ARHGAP39: variants seen among roughly 807,000 people sequenced by gnomAD.
The protein encoded by ARHGAP39 is rho GTPase-activating protein 39.
In ARHGAP39, 44 loss-of-function variants were observed where a neutral mutation model predicts 106.9. The observed-to-expected ratio is 0.41, with a 90% confidence interval of 0.32 to 0.53. ARHGAP39 has a LOEUF of 0.53. Among genes scored for constraint, ARHGAP39 ranks in the 20% least tolerant of loss-of-function variants. ARHGAP39 has a pLI of 0.21. For missense variants in ARHGAP39, 1,496 were observed against 1,577.3 expected, an observed-to-expected ratio of 0.95 and a Z score of 0.87; for synonymous variants, 768 against 693.2, an observed-to-expected ratio of 1.11 and a Z score of -1.69.
chr8:144,545,099 C>T, intron 6 of ARHGAP39, 150 bp downstream of exon 6: 1 of 685,926 alleles, frequency 1.5e-6, no homozygotes, highest in Non-Finnish European at 2.1e-6. Context: ...CAGCAGAGGC[C>T]CAGAGTGTGG....
chr8:144,555,242 C>G (rs1228643109), intron 4 of ARHGAP39, among the ~76,000 whole-genome samples: 1 of 152,268 alleles, frequency 6.6e-6, no homozygotes, highest in African/African-American at 2.4e-5. Flanking sequence ...CACGTGTGGC[C>G]TGAGATGCCA....
intron 1 of ARHGAP39, among the ~76,000 whole-genome samples, chr8:144,656,516 T>G (rs940981593): frequency 2.0e-5 from 3 of 151,908 alleles, no homozygotes; most frequent in Non-Finnish European, 4.4e-5. Flanking sequence ...AAAGTTAGTC[T>G]AAGGGGCCAG....
chr8:144,689,128 T>G (rs1469580595), upstream of ARHGAP39, among the ~76,000 whole-genome samples: 1 of 152,178 alleles, frequency 6.6e-6, no homozygotes, highest in Admixed American at 6.5e-5. Flanking sequence ...AAAAACAAAG[T>G]TGGATCCCTG....
At chr8:144,662,816 C>T (rs1310749219) in intron 1 of ARHGAP39, among the ~76,000 whole-genome samples, 1 of 149,386 alleles carries the variant, frequency 6.7e-6, no homozygotes, top group East Asian at 2.0e-4. Flanking sequence ...GCCACTCCCC[C>T]CATCCCCATT....
At chr8:144,627,878 G>C (rs1398354494) in intron 1 of ARHGAP39, among the ~76,000 whole-genome samples, 1 of 152,200 alleles carries the variant, frequency 6.6e-6, no homozygotes, top group Non-Finnish European at 1.5e-5. Context: ...GCAGTGCTCT[G>C]CCAGGCACTC....
chr8:144,537,540 C>A (rs565523499), intron 7 of ARHGAP39, among the ~76,000 whole-genome samples, 181 bp downstream of exon 7: 2 of 152,172 alleles, frequency 1.3e-5, no homozygotes, highest in African/African-American at 4.8e-5. Context: ...CAGGCTTGAC[C>A]GCTCCAGGGG....
chr8:144,666,769 C>T lies in ARHGAP39; in HGVS notation c.-82+18917G>A, dbSNP rs141626190. Among the ~76,000 whole-genome samples the T allele has an allele frequency of 4.2e-3, 634 of 152,278 alleles. 5 individuals are homozygous for T. The highest frequency in any genetic ancestry group is 0.014 in the African/African-American group (590 of 41,548). Reference sequence around the variant, plus strand: ...TCTTTATCAGCAGCTTGAAAATGGACTAATACACATGGCTAAAGGCGATCA... The same window carrying T: ...TCTTTATCAGCAGCTTGAAAATGGATTAATACACATGGCTAAAGGCGATCA... On this transcript the variant is annotated intron_variant, in intron 1 of 11. Transcript: ENST00000377307.
Position 144,529,938 on chromosome 8 carries a change from G to A in ARHGAP39, c.*484C>T. ...AGCAGTCACCAGCTGGGGACCACGG[G>A]CCGAGGGAGGGAGAGGAGGCGGGGA... On this transcript the variant is annotated 3_prime_UTR_variant, in exon 12 of 12. Transcript: ENST00000377307. The A allele has an allele frequency of 6.2e-6, 1 of 160,252 alleles. No individual in the cohort carries two copies. 9.9% of individuals were successfully genotyped at this position (160,252 alleles called of 1,614,324 possible).
rs1821413076 is a variant in ARHGAP39, at chr8:144,645,276, G to A, written c.-81-39581C>T. 6.6e-6 allele frequency among the ~76,000 whole-genome samples: 1 copy of A among 152,224 alleles called. No homozygotes were observed. The highest frequency in any genetic ancestry group is 1.5e-5 in the Non-Finnish European group (1 of 68,038). The stretch of plus-strand genomic sequence containing the variant: ...GCTCTGGGACACTACATGAACTGAA[G>A]GCACGAGAAGTCCAGGTGTCAAGGA... On this transcript the variant is annotated intron_variant, in intron 1 of 11. Transcript: ENST00000377307. The surrounding 1 kb of genome is among the most constrained non-coding windows in gnomAD (Gnocchi z 4.4).
intron 1 of ARHGAP39, among the ~76,000 whole-genome samples, chr8:144,616,140 G>T (rs1820629715): frequency 6.6e-6 from 1 of 152,254 alleles, no homozygotes; most frequent in Non-Finnish European, 1.5e-5. Context: ...GCTGCTGCTT[G>T]GCCCTGGGGC....
the ARHGAP39 span, among the ~76,000 whole-genome samples, chr8:144,694,538 C>T: frequency 1.6e-4 from 25 of 152,202 alleles, no homozygotes; most frequent in African/African-American, 4.6e-4. Context: ...TGTGTGTTAA[C>T]GCCGTTCCCC....
intron 6 of ARHGAP39, among the ~76,000 whole-genome samples, chr8:144,543,498 T>C (rs1351526255): frequency 6.6e-6 from 1 of 152,204 alleles, no homozygotes; most frequent in Non-Finnish European, 1.5e-5. Context: ...GTGGCCACAG[T>C]ACCACAGCCA....
intron 1 of ARHGAP39, among the ~76,000 whole-genome samples, chr8:144,623,010 G>C (rs552467344): frequency 1.3e-5 from 2 of 152,348 alleles, no homozygotes; most frequent in South Asian, 2.1e-4. Context: ...GGCCCCACTC[G>C]GTCAGGACCC....
chr8:144,538,067 C>A (rs140015533), intron 6 of ARHGAP39, among the ~76,000 whole-genome samples: 1 of 152,266 alleles, frequency 6.6e-6, no homozygotes, highest in East Asian at 1.9e-4. Flanking sequence ...AGGGAAGGCG[C>A]CAGGGGAGCA....
At chr8:144,638,639 T>C (rs1821235883) in intron 1 of ARHGAP39, among the ~76,000 whole-genome samples, 1 of 152,258 alleles carries the variant, frequency 6.6e-6, no homozygotes, top group South Asian at 2.1e-4. Flanking sequence ...ACCTATTGAT[T>C]GGTCTCTTTC....
At chr8:144,637,679 C>T (rs1055296701) in intron 1 of ARHGAP39, among the ~76,000 whole-genome samples, 6 of 151,960 alleles carry the variant, frequency 3.9e-5, no homozygotes, top group Non-Finnish European at 7.4e-5. Flanking sequence ...TTACGTTTTG[C>T]TAACCATTTC....
intron 1 of ARHGAP39, among the ~76,000 whole-genome samples, chr8:144,627,009 C>T (rs1330597597): frequency 6.6e-6 from 1 of 152,198 alleles, no homozygotes; most frequent in Non-Finnish European, 1.5e-5. Context: ...AGAGGATCCC[C>T]CCGCAAAAAC....
intron 1 of ARHGAP39, among the ~76,000 whole-genome samples, chr8:144,643,046 T>C (rs1360636473): frequency 5.3e-5 from 8 of 152,074 alleles, no homozygotes; most frequent in South Asian, 2.1e-4. Flanking sequence ...AATAGAAAAT[T>C]AACACCAAGG....
intron 1 of ARHGAP39, among the ~76,000 whole-genome samples, chr8:144,667,730 G>T (rs1023400896): frequency 6.6e-6 from 1 of 152,110 alleles, no homozygotes; most frequent in Non-Finnish European, 1.5e-5. Flanking sequence ...GACCCTGGTG[G>T]GTCACAGCCC....
Sources: gnomAD v4.1 joint callset for allele counts (sites outside exome capture counted in the v4.1 genomes callset) on GRCh38, gnomAD v4.1.1 for gene constraint, Gnocchi (gnomAD v3.1) non-coding constraint, MANE v1.5 for transcripts, NCBI Gene and HGNC (gene_info 2026-07-23, HGNC 2026-07-21) for gene names.